Variants in GALNT18 observed in about 807,000 individuals in gnomAD.
GALNT18 encodes GalNAc-transferase 18.
In GALNT18, 44 loss-of-function variants were observed where a neutral mutation model predicts 69.5. That is an observed-to-expected ratio of 0.63 (90% confidence interval 0.50 to 0.81). The LOEUF is 0.81. GALNT18 is among the 40% of genes least tolerant of loss of function. The pLI, the probability that GALNT18 is intolerant of heterozygous loss-of-function variation, is 0.00. For synonymous variants in GALNT18, 364 were observed against 318.2 expected, an observed-to-expected ratio of 1.14 and a Z score of -1.53; for missense variants, 715 against 810.0, an observed-to-expected ratio of 0.88 and a Z score of 1.42.
Position 11,621,885 on chromosome 11 carries a change from G to A in GALNT18, c.-292C>T, listed in dbSNP as rs1860203254. ...GGGGTCACGGGTAGCCGGCAGCCGC[G>A]CGTCCAGATGTGTACGTCTGGGAAA... is the stretch of plus-strand genomic sequence containing the variant. On this transcript the variant is annotated 5_prime_UTR_variant, in exon 1 of 11. Transcript: ENST00000227756. The surrounding 1 kb of genome is among the most constrained non-coding windows in gnomAD (Gnocchi z 9.3). The A allele has an allele frequency of 3.3e-6, 1 of 306,844 alleles. No individual in the cohort carries two copies. The highest frequency in any genetic ancestry group is 6.4e-5 in the East Asian group (1 of 15,632). The allele number at this position is 306,844 out of a possible 1,614,324, so 19.0% of individuals were successfully genotyped here. A position where few individuals can be genotyped will look rare whatever the true frequency, so the allele number is the denominator to read the frequency against.
intron 1 of GALNT18, among the ~76,000 whole-genome samples, chr11:11,488,297 T>G (rs886136660): frequency 6.6e-6 from 1 of 152,326 alleles, no homozygotes; most frequent in South Asian, 2.1e-4. Flanking sequence ...CTTTTTCAGC[T>G]TCTATAAGCT....
chr11:11,282,937 C>T (rs1031506855), intron 10 of GALNT18, among the ~76,000 whole-genome samples: 7 of 151,676 alleles, frequency 4.6e-5, no homozygotes, highest in African/African-American at 7.3e-5. Context: ...GAAAGAGGCT[C>T]GGGGTGGTGG....
At chr11:11,476,050 T>C (rs1162252433) in intron 1 of GALNT18, 1 of 152,174 alleles carries the variant, frequency 6.6e-6, no homozygotes, top group Non-Finnish European at 1.5e-5. Context: ...ATGGCGAACG[T>C]GAAATTGCCC....
chr11:11,276,938 T>C (rs1207301809), intron 10 of GALNT18, among the ~76,000 whole-genome samples: 1 of 152,250 alleles, frequency 6.6e-6, no homozygotes, highest in African/African-American at 2.4e-5. Flanking sequence ...GATTTTCACA[T>C]TGATGTTCAT....
chr11:11,558,044 C>T (rs982797950), intron 1 of GALNT18, among the ~76,000 whole-genome samples: 10 of 152,220 alleles, frequency 6.6e-5, no homozygotes. Context: ...CGCATCTCTG[C>T]CGCCTGCCTT....
Position 11,340,936 on chromosome 11 carries a change from G to C in GALNT18, c.1161C>G (p.His387Gln). 1 of 1,613,916 alleles carries C rather than the reference G, an allele frequency of 6.2e-7. No individual in the cohort carries two copies. Among genetic ancestry groups the C allele is most frequent in the Non-Finnish European group, 8.5e-7 (1 of 1,179,888 alleles). ...CGGTGAGGTCCTCTGTGTAGGGCTT[G>C]TGGGCTCGCTCAATGTGGGCAATCC... ...CSRIAHIERA[H>Q]KPYTEDLTAH... The change falls in exon 7 of 11, where the codon CAC becomes CAG. Residue 387 changes from histidine to glutamine, a missense_variant. Coordinates refer to ENST00000227756, the MANE Select transcript of GALNT18 (RefSeq NM_198516.3). This position sits in a 1 kb window ranked among gnomAD's most constrained non-coding sequence, Gnocchi z 4.2.
At chr11:11,489,696 T>C (rs1467771981) in intron 1 of GALNT18, among the ~76,000 whole-genome samples, 1 of 152,212 alleles carries the variant, frequency 6.6e-6, no homozygotes, top group Non-Finnish European at 1.5e-5. Flanking sequence ...ATGATATTAA[T>C]AATAGCAAAC....
At chr11:11,352,086 G>T (rs1345543840) in intron 6 of GALNT18, 1 of 1,613,626 alleles carries the variant, frequency 6.2e-7, no homozygotes, top group African/African-American at 1.3e-5. Context: ...GCTGCTGACG[G>T]GCGTACTGCC....
chr11:11,378,930 C>T, intron 4 of GALNT18, 151 bp downstream of exon 4: 1 of 753,574 alleles, frequency 1.3e-6, no homozygotes, highest in Non-Finnish European at 2.0e-6. Context: ...AGCCTTGTTG[C>T]CTGGCTCACT....
At chr11:11,333,587 C>A (rs1161240873) in intron 7 of GALNT18, among the ~76,000 whole-genome samples, 1 of 152,128 alleles carries the variant, frequency 6.6e-6, no homozygotes, top group Non-Finnish European at 1.5e-5. Flanking sequence ...AAGATCCCAC[C>A]CTTCTGCCTC....
intron 5 of GALNT18, among the ~76,000 whole-genome samples, chr11:11,374,687 A>T (rs1264440689): frequency 6.6e-6 from 1 of 152,262 alleles, no homozygotes; most frequent in Non-Finnish European, 1.5e-5. Context: ...TTCTATCAGC[A>T]TGAAAGAGTT....
intron 1 of GALNT18, among the ~76,000 whole-genome samples, chr11:11,455,198 T>C (rs1855899792): frequency 6.6e-6 from 1 of 152,238 alleles, no homozygotes. Context: ...AGCAAGTTTG[T>C]TCTATGCCAA....
At chr11:11,477,280 C>A (rs1052890460) in intron 1 of GALNT18, among the ~76,000 whole-genome samples, 1 of 152,210 alleles carries the variant, frequency 6.6e-6, no homozygotes, top group Non-Finnish European at 1.5e-5. Context: ...CCTCAATAAG[C>A]CACTATGAGG....
At chr11:11,330,422 A>G (rs1185308408) in intron 8 of GALNT18, among the ~76,000 whole-genome samples, 1 of 152,202 alleles carries the variant, frequency 6.6e-6, no homozygotes, top group Non-Finnish European at 1.5e-5. Flanking sequence ...AGTTGCCCCC[A>G]TTAAGAGTTC....
In GALNT18 at chr11:11,271,324, C is replaced by T. The variant is rs757437731; in HGVS notation, c.1678-34G>A. 1.1e-5 allele frequency: 17 copies of T among 1,596,386 alleles called. 1 individual carries two copies. In the South Asian group the frequency reaches 1.9e-4, roughly 18 times the overall value. ...CAGGGCAGACAGTGGGGTCAGAGGG[C>T]ATAGAGGCAACATGCAGAAATTCGG... On this transcript the variant is annotated intron_variant, in intron 10 of 10. Transcript: ENST00000227756.
At chr11:11,287,758 G>A (rs1433565940) in intron 10 of GALNT18, among the ~76,000 whole-genome samples, 2 of 152,158 alleles carry the variant, frequency 1.3e-5, no homozygotes, top group South Asian at 2.1e-4. Flanking sequence ...ATGAAGTTTT[G>A]TCATGTGCTG....
chr11:11,334,769 CCTTTCTCTGCTGGACTCCGG>C (rs1554917777), intron 7 of GALNT18, among the ~76,000 whole-genome samples: 1 of 152,168 alleles, frequency 6.6e-6, no homozygotes, highest in Non-Finnish European at 1.5e-5. Context: ...GTTATCCTAG[CCTTTCTCTGCTGGACTCCGG>C]CTCCTTAAGG....
intron 3 of GALNT18, among the ~76,000 whole-genome samples, chr11:11,407,424 A>G (rs931833198): frequency 6.6e-6 from 1 of 152,224 alleles, no homozygotes; most frequent in African/African-American, 2.4e-5. Flanking sequence ...CCTTCCCCTG[A>G]GAGAGCCACC....
chr11:11,556,694 T>C (rs11021929), intron 1 of GALNT18, among the ~76,000 whole-genome samples: 38,450 of 152,210 alleles, frequency 0.25, 6,146 homozygotes, highest in Middle Eastern at 0.39. Context: ...ACAGCGCTAT[T>C]TGCAGGGAAC....
Sources: gnomAD v4.1 joint callset for allele counts (sites outside exome capture counted in the v4.1 genomes callset) on GRCh38, gnomAD v4.1.1 for gene constraint, Gnocchi (gnomAD v3.1) non-coding constraint, MANE v1.5 for transcripts, NCBI Gene and HGNC (gene_info 2026-07-23, HGNC 2026-07-21) for gene names.